FRRS1L: variants seen among roughly 807,000 people sequenced by gnomAD.
FRRS1L encodes the protein DOMON domain-containing protein FRRS1L.
A neutral mutation model predicts 28.6 loss-of-function variants in FRRS1L; 22 were observed. That is an observed-to-expected ratio of 0.77 (90% CI 0.55 to 1.10). FRRS1L has a LOEUF of 1.10. Among genes scored for constraint, FRRS1L ranks in the 50% least tolerant of loss-of-function variants. The pLI is 0.00. For synonymous variants in FRRS1L, 158 were observed against 151.4 expected (o/e 1.04, Z -0.32); for missense variants, 380 against 386.9 (o/e 0.98, Z 0.15).
At position 109,167,228 on chromosome 9, in the gene FRRS1L, C is replaced by A; in HGVS notation, c.-90G>T. The A allele has an allele frequency of 1.5e-6, 2 of 1,366,774 alleles. No individual in the cohort carries two copies. The highest frequency in any genetic ancestry group is 1.9e-6 in the Non-Finnish European group (2 of 1,055,978). 84.7% of individuals were successfully genotyped at this position (1,366,774 alleles called of 1,614,324 possible). On this transcript the variant is annotated 5_prime_UTR_variant, in exon 1 of 5. Coordinates refer to ENST00000561981, the MANE Select transcript of FRRS1L (RefSeq NM_014334.4). ...GGGACTGAGCCTCCGCCGAGGCCACCAGCACGCGCCCGCGCAGCCGCGGAG... is the reference window on the plus strand; with the variant it reads ...GGGACTGAGCCTCCGCCGAGGCCACAAGCACGCGCCCGCGCAGCCGCGGAG...
chr9:109,152,755 G>A (rs751599361), intron 1 of FRRS1L, among the ~76,000 whole-genome samples: 6 of 123,200 alleles, frequency 4.9e-5, no homozygotes, highest in Non-Finnish European at 9.5e-5. Flanking sequence ...AGTGAGCCAA[G>A]ATCGCACCAC....
Position 109,142,346 on chromosome 9 carries a change from G to A in FRRS1L, c.463-757C>T, listed in dbSNP as rs368794441. 5.3e-5 allele frequency among the ~76,000 whole-genome samples: 8 copies of A among 152,156 alleles called. No homozygotes were observed. In the East Asian group the frequency reaches 1.2e-3, roughly 22 times the overall value. On this transcript the variant is annotated intron_variant, in intron 3 of 4. Coordinates refer to ENST00000561981, the MANE Select transcript of FRRS1L (RefSeq NM_014334.4). ...AAGCAGTACAGAGAATAAAGCATGTGTGGCTAATGTCATTATTTATGAAAA... is the reference window on the plus strand; with the variant it reads ...AAGCAGTACAGAGAATAAAGCATGTATGGCTAATGTCATTATTTATGAAAA...
Position 109,167,192 on chromosome 9 carries a change from G to A in FRRS1L, c.-54C>T. 1 of 1,170,078 alleles carries A rather than the reference G, an allele frequency of 8.5e-7. No individual in the cohort carries two copies. Among genetic ancestry groups the A allele is most frequent in the Non-Finnish European group, 1.1e-6 (1 of 950,924 alleles). 72.5% of individuals were successfully genotyped at this position (1,170,078 alleles called of 1,614,324 possible). ...GCTCGGGCCGCAGCGGGGGCGCCGC[G>A]GGCGCGGGCCGGGACTGAGCCTCCG... is the stretch of plus-strand genomic sequence containing the variant. On this transcript the variant is annotated 5_prime_UTR_variant, in exon 1 of 5. Transcript: ENST00000561981.
chr9:109,161,029 G>T (rs1470681920), intron 1 of FRRS1L, among the ~76,000 whole-genome samples: 1 of 151,918 alleles, frequency 6.6e-6, no homozygotes, highest in Non-Finnish European at 1.5e-5. Context: ...GACCTCAGGT[G>T]ATCTGCCGCC....
intron 1 of FRRS1L, among the ~76,000 whole-genome samples, chr9:109,156,847 A>G (rs1253696592): frequency 6.6e-6 from 1 of 151,798 alleles, no homozygotes; most frequent in East Asian, 1.9e-4. Context: ...CTTTTTTTAA[A>G]TTTTTTGTAG....
chr9:109,165,777 A>G (rs1165607910), intron 1 of FRRS1L, among the ~76,000 whole-genome samples: 1 of 152,230 alleles, frequency 6.6e-6, no homozygotes, highest in Non-Finnish European at 1.5e-5. Context: ...CCCTTTATAA[A>G]GTAGTCAGTG....
rs530439922 is a variant in FRRS1L, at chr9:109,156,154, C to A, written c.239-6434G>T. Among the ~76,000 whole-genome samples, 5 of 152,250 alleles carry A rather than the reference C, an allele frequency of 3.3e-5. No individual in the cohort carries two copies. In the South Asian group the frequency reaches 1.0e-3, roughly 32 times the overall value. On this transcript the variant is annotated intron_variant, in intron 1 of 4. Transcript: ENST00000561981. ...GTCTGGGATAGATGCAGAGGGAGTTCATTCACCGTATTTGTCAAATTTCTC... is the reference window on the plus strand; with the variant it reads ...GTCTGGGATAGATGCAGAGGGAGTTAATTCACCGTATTTGTCAAATTTCTC...
At chr9:109,146,891 C>G (rs1385462833) in intron 3 of FRRS1L, among the ~76,000 whole-genome samples, 160 bp downstream of exon 3, 3 of 152,190 alleles carry the variant, frequency 2.0e-5, no homozygotes, top group Admixed American at 6.5e-5. Context: ...ATAGCCAACC[C>G]TTTCATTTAA....
At chr9:109,159,237 G>T (rs1831450512) in intron 1 of FRRS1L, among the ~76,000 whole-genome samples, 1 of 61,400 alleles carries the variant, frequency 1.6e-5, no homozygotes, top group African/African-American at 5.5e-5. Context: ...TTCCCCCTTT[G>T]TCATTCTTAT....
At chr9:109,166,337 AAG>A (rs1192915229) in intron 1 of FRRS1L, among the ~76,000 whole-genome samples, 1 of 152,138 alleles carries the variant, frequency 6.6e-6, no homozygotes, top group Non-Finnish European at 1.5e-5. Flanking sequence ...GGCGTCATAA[AAG>A]AGGAGGGATG....
intron 1 of FRRS1L, among the ~76,000 whole-genome samples, chr9:109,155,196 A>C (rs1048653137): frequency 1.3e-5 from 2 of 151,998 alleles, no homozygotes; most frequent in Non-Finnish European, 2.9e-5. Flanking sequence ...CTTACCATTC[A>C]CCTCTATGTT....
At chr9:109,158,242 T>C (rs528507929) in intron 1 of FRRS1L, among the ~76,000 whole-genome samples, 1 of 152,366 alleles carries the variant, frequency 6.6e-6, no homozygotes, top group African/African-American at 2.4e-5. Context: ...TTGCATTTTT[T>C]TTCTAGGAAT....
At position 109,166,942 on chromosome 9, in the gene FRRS1L, A is replaced by C; in HGVS notation, c.197T>G (p.Phe66Cys). 1 of 1,355,574 alleles carries C rather than the reference A, an allele frequency of 7.4e-7. No homozygotes were observed. Among genetic ancestry groups the C allele is most frequent in the Non-Finnish European group, 9.6e-7 (1 of 1,044,298 alleles). The allele number at this position is 1,355,574 out of a possible 1,614,324, so 84.0% of individuals were successfully genotyped here. Residue 66 changes from phenylalanine to cysteine, a missense_variant, in exon 1 of 5, where the codon TTC becomes TGC. Physicochemically the swap from Phe to Cys is radical, Grantham distance 205. Transcript: ENST00000561981. ...GCGCAGGTCGTAGAACTCCCCCGCG[A>C]AGGTGCCGTAGGAGGAGTCGTGGCG... is the stretch of plus-strand genomic sequence containing the variant. ...VPRHDSSYGT[F>C]AGEFYDLRYL...
chr9:109,157,400 T>G lies in FRRS1L; in HGVS notation c.239-7680A>C, dbSNP rs79461034. On this transcript the variant is annotated intron_variant, in intron 1 of 4. Transcript: ENST00000561981. Reference sequence around the variant, plus strand: ...ACTATCTATATATTTTATTTTTATTTTTTGGAGACAGGGCCTCACTGTGTC... The same window carrying G: ...ACTATCTATATATTTTATTTTTATTGTTTGGAGACAGGGCCTCACTGTGTC... Among the ~76,000 whole-genome samples, 579 of 152,280 alleles carry G rather than the reference T, an allele frequency of 3.8e-3. 28 individuals are homozygous for G. In the East Asian group the frequency reaches 0.093, roughly 25 times the overall value.
intron 1 of FRRS1L, among the ~76,000 whole-genome samples, chr9:109,163,907 C>G (rs1831510562): frequency 6.6e-6 from 1 of 152,132 alleles, no homozygotes; most frequent in African/African-American, 2.4e-5. Context: ...TAGGAGAGTT[C>G]CACCCATAAC....
intron 3 of FRRS1L, among the ~76,000 whole-genome samples, chr9:109,144,287 A>C (rs1401965796): frequency 6.6e-6 from 1 of 152,194 alleles, no homozygotes; most frequent in Non-Finnish European, 1.5e-5. Context: ...CAGACCAGCC[A>C]CTGCTTAGAC....
chr9:109,135,796 T>C lies in FRRS1L; in HGVS notation c.*1659A>G, dbSNP rs2118454808. ...GGATATTCTAGGTGAATTCACTTTA[T>C]GGGTCATTTTCCCATTTTCAATTAT... is the stretch of plus-strand genomic sequence containing the variant. On this transcript the variant is annotated 3_prime_UTR_variant, in exon 5 of 5. Transcript: ENST00000561981. The C allele has an allele frequency of 6.6e-6, 1 of 152,334 alleles. No individual in the cohort carries two copies. The highest frequency in any genetic ancestry group is 1.5e-5 in the Non-Finnish European group (1 of 68,034). The allele number at this position is 152,334 out of a possible 1,614,324, so 9.4% of individuals were successfully genotyped here. A position where few individuals can be genotyped will look rare whatever the true frequency, so the allele number is the denominator to read the frequency against.
intron 1 of FRRS1L, among the ~76,000 whole-genome samples, chr9:109,158,110 T>G (rs1831433276): frequency 6.6e-6 from 1 of 152,210 alleles, no homozygotes; most frequent in African/African-American, 2.4e-5. Flanking sequence ...GTCACTTGAG[T>G]GTCTGGTAGA....
chr9:109,143,128 A>G (rs1370082634), intron 3 of FRRS1L, among the ~76,000 whole-genome samples: 1 of 152,102 alleles, frequency 6.6e-6, no homozygotes, highest in Non-Finnish European at 1.5e-5. Context: ...CAGCCTGGCC[A>G]ACATGGTGAA....
Sources: allele counts gnomAD v4.1 joint callset (sites outside exome capture counted in the v4.1 genomes callset), GRCh38; gene constraint gnomAD v4.1.1; transcripts MANE v1.5; gene names NCBI Gene and HGNC (gene_info 2026-07-23, HGNC 2026-07-21).